Variants in PAPOLG observed in about 807,000 individuals in gnomAD.
PAPOLG encodes PAP-gamma.
PAPOLG carries 40 observed loss-of-function variants against 99.0 expected under a neutral mutation model. The observed-to-expected ratio is 0.40, with a 90% CI of 0.31 to 0.53. The LOEUF (loss-of-function observed/expected upper bound fraction) is 0.53. Ranked by LOEUF, PAPOLG falls within the 20% of genes least tolerant of loss-of-function variation. The pLI is 0.41. For synonymous variants in PAPOLG, 310 were observed against 299.3 expected (o/e 1.04, Z -0.37); for missense variants, 675 against 884.1 (o/e 0.76, Z 3.00).
At chr2:60,782,143 G>GT (rs1166483135) in intron 11 of PAPOLG, 138 bp downstream of exon 11, 26 of 944,802 alleles carry the variant, frequency 2.8e-5, no homozygotes, top group Non-Finnish European at 3.6e-5. Flanking sequence ...TGGTTATTTT[G>GT]TTTTTTAGTA....
chr2:60,788,393 C>G (rs1671431636), intron 15 of PAPOLG, among the ~76,000 whole-genome samples: 1 of 152,156 alleles, frequency 6.6e-6, no homozygotes, highest in South Asian at 2.1e-4. Context: ...GCGATCTCAG[C>G]TCACTGCAAC....
At chr2:60,756,524 G>A in intron 1 of PAPOLG, 29 bp downstream of exon 1, 1 of 1,583,544 alleles carries the variant, frequency 6.3e-7, no homozygotes, top group South Asian at 1.2e-5. Context: ...CGGTTGGGGT[G>A]AGGCGGGTAG....
In PAPOLG at chr2:60,792,151, G is replaced by A. The variant is rs763766857; in HGVS notation, c.1541G>A (p.Arg514Gln). The A allele has an allele frequency of 1.9e-5, 30 of 1,588,162 alleles. No homozygotes were observed. The highest frequency in any genetic ancestry group is 8.2e-5 in the South Asian group (7 of 85,836). The change falls in exon 17 of 22, where the codon CGA becomes CAA. Residue 514 changes from arginine to glutamine, a missense_variant. This residue lies in a region of PAPOLG where 413 missense variants were observed against 460.5 expected (regional missense o/e 0.90). Coordinates refer to ENST00000238714, the MANE Select transcript of PAPOLG (RefSeq NM_022894.4). ...KKKQSLSDVNRSSGGLQSKRL... is the reference protein window; with the variant it reads ...KKKQSLSDVNQSSGGLQSKRL... Reference sequence around the variant, plus strand: ...CAGCAAAGTCTCTCTGATGTCAATCGAAGCTCGGGCGGACTTCAATCCAAA... The same window carrying A: ...CAGCAAAGTCTCTCTGATGTCAATCAAAGCTCGGGCGGACTTCAATCCAAA...
intron 1 of PAPOLG, among the ~76,000 whole-genome samples, chr2:60,758,496 TG>T (rs1264364319): frequency 6.7e-6 from 1 of 149,944 alleles, no homozygotes; most frequent in Non-Finnish European, 1.5e-5. Flanking sequence ...GGCGCGATCT[TG>T]GTTCACTGCA....
chr2:60,787,554 A>T lies in PAPOLG; in HGVS notation c.1330A>T (p.Arg444Ter). The stretch of plus-strand genomic sequence containing the variant: ...GTGGTTCCTTGGGATAATTTTTCGG[A>T]GAGTAGAAAATGCAGAAAGTGTCAA... ...SMWFLGIIFRRVENAESVNID... is the reference protein window; with the variant it reads ...SMWFLGIIFR The change falls in exon 15 of 22, where the codon AGA becomes TGA. Residue 444 changes from arginine (R) to a stop codon, truncating the protein, a stop_gained. Coordinates refer to ENST00000238714, the MANE Select transcript of PAPOLG (RefSeq NM_022894.4). LOFTEE classifies it high-confidence loss of function. 1 of 1,614,066 alleles carries T rather than the reference A, an allele frequency of 6.2e-7. No individual in the cohort carries two copies. The highest frequency in any genetic ancestry group is 8.5e-7 in the Non-Finnish European group (1 of 1,179,992).
chr2:60,796,385 C>A (rs953125737), intron 21 of PAPOLG, among the ~76,000 whole-genome samples: 1 of 151,882 alleles, frequency 6.6e-6, no homozygotes, highest in Non-Finnish European at 1.5e-5. Context: ...GTGATTCGCC[C>A]GCCTTGGCCT....
In PAPOLG at chr2:60,797,156, G is replaced by A. The variant is rs761161549; in HGVS notation, c.2207G>A (p.Arg736Gln). The A allele has an allele frequency of 1.5e-5, 25 of 1,613,760 alleles. No homozygotes were observed. In the Admixed American group the frequency reaches 2.0e-4, roughly 13 times the overall value. Residue 736 changes from arginine to glutamine, a missense_variant, in exon 22 of 22, where the codon CGG (arginine) becomes CAG (glutamine). Coordinates refer to ENST00000238714, the MANE Select transcript of PAPOLG (RefSeq NM_022894.4). The part of the protein sequence containing the change: ...IKNSIRLTLN[R>Q] Reference sequence around the variant, plus strand: ...AATTCCATTCGACTGACCCTTAATCGGTAAAAGCAGTGCCTCCTCACTTAA... The same window carrying A: ...AATTCCATTCGACTGACCCTTAATCAGTAAAAGCAGTGCCTCCTCACTTAA...
chr2:60,768,844 CT>C lies in PAPOLG; in HGVS notation c.399del (p.Phe133LeufsTer4). 6.2e-7 allele frequency: 1 copy of C among 1,601,804 alleles called. No individual in the cohort carries two copies. The highest frequency in any genetic ancestry group is 1.7e-5 in the Admixed American group (1 of 58,564). ...RHVERSDFFQ[S>X]FFEKLKHQDG... ...GTGGAAAGATCTGATTTTTTTCAGT[CT>C]TTTTTTGAAAAATTGAAACATCAAG... On this transcript the variant is annotated frameshift_variant, in exon 5 of 22. Coordinates refer to ENST00000238714, the MANE Select transcript of PAPOLG (RefSeq NM_022894.4). LOFTEE classifies it high-confidence loss of function.
At chr2:60,788,495 T>A (rs1358392004) in intron 15 of PAPOLG, among the ~76,000 whole-genome samples, 1 of 152,126 alleles carries the variant, frequency 6.6e-6, no homozygotes, top group Non-Finnish European at 1.5e-5. Context: ...CTAATTTTTT[T>A]ATTTTTAGTA....
chr2:60,793,747 T>C (rs1458347691), intron 18 of PAPOLG, 32 bp downstream of exon 18: 1 of 1,575,676 alleles, frequency 6.3e-7, no homozygotes, highest in Non-Finnish European at 8.6e-7. Flanking sequence ...TATTAATAAT[T>C]ATATTTACAA....
intron 14 of PAPOLG, 136 bp from the exon 15 acceptor site, chr2:60,787,375 A>G: frequency 1.8e-5 from 21 of 1,153,314 alleles, no homozygotes; most frequent in Non-Finnish European, 2.4e-5. Flanking sequence ...TGTCACTTTT[A>G]AGAATCTGGC....
Position 60,786,989 on chromosome 2 carries a change from C to T in PAPOLG, c.1209C>T (p.Asn403=). The change falls in exon 14 of 22, where the codon AAC becomes AAT. Residue 403 remains asparagine, a synonymous_variant. Transcript: ENST00000238714. ...CTAAAATCCGTGTACTTGTTGGAAA[C>T]TTGGAACGGAATGAATTTATTACTC... ...VESKIRVLVG[N]LERNEFITLA... is the part of the protein sequence containing the mutation. 1 of 1,612,216 alleles carries T rather than the reference C, an allele frequency of 6.2e-7. No homozygotes were observed. Among genetic ancestry groups the T allele is most frequent in the Non-Finnish European group, 8.5e-7 (1 of 1,178,518 alleles).
chr2:60,783,319 T>A (rs1671251406), intron 13 of PAPOLG, 110 bp downstream of exon 13: 2 of 398,956 alleles, frequency 5.0e-6, no homozygotes, highest in South Asian at 7.2e-5. Context: ...AAAATTATTA[T>A]ATCTCTTTTT....
At chr2:60,769,677 C>T (rs555852395) in intron 5 of PAPOLG, among the ~76,000 whole-genome samples, 1 of 152,100 alleles carries the variant, frequency 6.6e-6, no homozygotes, top group Non-Finnish European at 1.5e-5. Flanking sequence ...ACTCTAGTAG[C>T]CTTTCTAAAT....
intron 3 of PAPOLG, among the ~76,000 whole-genome samples, chr2:60,765,843 T>C (rs911711153): frequency 1.3e-5 from 2 of 152,182 alleles, no homozygotes; most frequent in Non-Finnish European, 2.9e-5. Flanking sequence ...TTCCTGGGCA[T>C]GGTGGTGCAT....
At chr2:60,778,499 C>CT (rs1671090424) in intron 8 of PAPOLG, among the ~76,000 whole-genome samples, 2 of 151,990 alleles carry the variant, frequency 1.3e-5, no homozygotes, top group African/African-American at 4.8e-5. Flanking sequence ...TTAAAGGTTT[C>CT]TTTTCGGGGT....
At chr2:60,756,965 T>TTTTCACCGCCG in intron 1 of PAPOLG, among the ~76,000 whole-genome samples, 1 of 151,898 alleles carries the variant, frequency 6.6e-6, no homozygotes, top group African/African-American at 2.4e-5. Context: ...GGCTACAGTC[T>TTTTCACCGCCG]TTTCACCGCC....
chr2:60,796,254 G>C (rs538261777), intron 21 of PAPOLG, among the ~76,000 whole-genome samples: 4 of 111,164 alleles, frequency 3.6e-5, no homozygotes, highest in Admixed American at 1.4e-4. Flanking sequence ...GGCTCGCTCT[G>C]TAGCCCAGGT....
intron 1 of PAPOLG, among the ~76,000 whole-genome samples, chr2:60,758,970 A>G (rs1670441265): frequency 6.6e-6 from 1 of 152,160 alleles, no homozygotes; most frequent in Admixed American, 6.5e-5. Flanking sequence ...TTGGTCGTTT[A>G]GTGTGTATGT....
Sources: allele counts gnomAD v4.1 joint callset (sites outside exome capture counted in the v4.1 genomes callset), GRCh38; gene constraint gnomAD v4.1.1; regional missense constraint gnomAD v4.1.1; transcripts MANE v1.5; gene names NCBI Gene and HGNC (gene_info 2026-07-23, HGNC 2026-07-21).